ANKRD44: variants seen among roughly 807,000 people sequenced by gnomAD.
ANKRD44 encodes serine/threonine-protein phosphatase 6 regulatory ankyrin repeat subunit B.
A neutral mutation model predicts 116.0 loss-of-function variants in ANKRD44; 35 were observed. The ratio of observed to expected loss-of-function variants is 0.30; its 90% CI spans 0.23 to 0.40. ANKRD44 has a LOEUF of 0.40. Among genes scored for constraint, ANKRD44 ranks in the 10% least tolerant of loss-of-function variants. The pLI, the probability that ANKRD44 is intolerant of heterozygous loss-of-function variation, is 1.00. For synonymous variants in ANKRD44, 435 were observed against 461.8 expected (o/e 0.94, Z 0.74); for missense variants, 1,014 against 1,242.6 (o/e 0.82, Z 2.77).
intron 16 of ANKRD44, among the ~76,000 whole-genome samples, chr2:197,036,467 C>A (rs1242253920): frequency 6.6e-6 from 1 of 152,106 alleles, no homozygotes; most frequent in Non-Finnish European, 1.5e-5. Context: ...CCATGTTGGC[C>A]AGGCTGGTCT....
exon 22 of ANKRD44, chr2:196,967,238 A>C: frequency 4.0e-6 from 1 of 250,716 alleles, no homozygotes; most frequent in Non-Finnish European, 8.7e-6. Flanking sequence ...TCTTGTTCCC[A>C]GTTGGAAAAT....
intron 8 of ANKRD44, among the ~76,000 whole-genome samples, chr2:197,114,996 C>T (rs2078674938): frequency 6.6e-6 from 1 of 152,206 alleles, no homozygotes; most frequent in Non-Finnish European, 1.5e-5. Context: ...CCTACTCTTG[C>T]CCATTCCAGT....
At chr2:197,302,916 C>T (rs1396057710) in intron 1 of ANKRD44, among the ~76,000 whole-genome samples, 1 of 152,196 alleles carries the variant, frequency 6.6e-6, no homozygotes, top group Non-Finnish European at 1.5e-5. Flanking sequence ...TTTGCTAAAG[C>T]AACACCTCTG....
chr2:197,216,571 G>A (rs752111106), intron 1 of ANKRD44, among the ~76,000 whole-genome samples: 5 of 152,154 alleles, frequency 3.3e-5, no homozygotes, highest in Admixed American at 6.5e-5. Context: ...GCTGACCAGA[G>A]TGCTTTTTCA....
intron 9 of ANKRD44, among the ~76,000 whole-genome samples, chr2:197,101,716 GCAAT>G (rs2078298017): frequency 6.6e-6 from 1 of 152,184 alleles, no homozygotes; most frequent in Non-Finnish European, 1.5e-5. Context: ...GGTGATACAG[GCAAT>G]CAGAGTGTAC....
chr2:197,020,017 T>C (rs2076467105), intron 17 of ANKRD44, among the ~76,000 whole-genome samples: 1 of 152,160 alleles, frequency 6.6e-6, no homozygotes, highest in African/African-American at 2.4e-5. Context: ...GGTTTCACCA[T>C]GTTGGCCAGG....
At chr2:197,220,190 T>A (rs543515517) in intron 1 of ANKRD44, among the ~76,000 whole-genome samples, 8 of 152,330 alleles carry the variant, frequency 5.3e-5, no homozygotes, top group African/African-American at 1.7e-4. Flanking sequence ...CTTAATTCCC[T>A]CACAGCTTTT....
In ANKRD44 at chr2:197,067,941, G is replaced by A. The variant is rs891137154; in HGVS notation, c.1650+10762C>T. On this transcript the variant is annotated intron_variant, in intron 16 of 27. Transcript: ENST00000282272. ...GTTTATTGTGGCACTATTCACAACA[G>A]CAAAGACTTGGAACCAACCCAAATG... Among the ~76,000 whole-genome samples the A allele has an allele frequency of 4.7e-3, 707 of 151,672 alleles. 2 individuals are homozygous for A. The highest frequency in any genetic ancestry group is 0.014 in the Middle Eastern group (4 of 294).
intron 1 of ANKRD44, among the ~76,000 whole-genome samples, chr2:197,224,520 C>A (rs1419286967): frequency 1.3e-5 from 2 of 152,106 alleles, no homozygotes; most frequent in Non-Finnish European, 2.9e-5. Context: ...AGCAATCTCT[C>A]CATTAAAAGC....
chr2:197,273,070 A>G (rs2082944884), intron 1 of ANKRD44, among the ~76,000 whole-genome samples: 1 of 152,240 alleles, frequency 6.6e-6, no homozygotes, highest in Admixed American at 6.5e-5. Flanking sequence ...AAGCCAATAC[A>G]AACTTTTTTT....
intron 1 of ANKRD44, 43 bp downstream of exon 1, chr2:197,310,535 C>T (rs1030762579): frequency 9.4e-7 from 1 of 1,065,584 alleles, no homozygotes; most frequent in Non-Finnish European, 1.1e-6. Flanking sequence ...TCCGCGCCGC[C>T]CCGCGCCCGC....
chr2:197,247,573 C>T (rs1056490586), intron 1 of ANKRD44, among the ~76,000 whole-genome samples: 3 of 152,182 alleles, frequency 2.0e-5, no homozygotes, highest in East Asian at 1.9e-4. Context: ...TAATTTGTAT[C>T]GTGCATGAGA....
intron 2 of ANKRD44, among the ~76,000 whole-genome samples, chr2:197,151,144 G>A (rs1322265275): frequency 7.0e-6 from 1 of 143,698 alleles, no homozygotes; most frequent in Non-Finnish European, 1.5e-5. Context: ...AAAAAAATGG[G>A]TTTTAGACCA....
intron 9 of ANKRD44, among the ~76,000 whole-genome samples, chr2:197,105,288 A>T (rs1270910109): frequency 6.6e-6 from 1 of 151,882 alleles, no homozygotes; most frequent in East Asian, 1.9e-4. Context: ...TAATTTTTGT[A>T]TTTTTAGTGG....
chr2:197,010,306 C>T (rs11694050), intron 18 of ANKRD44, among the ~76,000 whole-genome samples: 2 of 151,936 alleles, frequency 1.3e-5, no homozygotes, highest in African/African-American at 2.4e-5. Flanking sequence ...CCACGGTCAC[C>T]GAGCCACAGG....
rs1330815409 is a variant in ANKRD44, at chr2:196,987,826, TCA to T, written c.*1763_*1764del. ...AATAAAAGCACTAAGCAACTAAGAC[TCA>T]GTTAAAAACACATTTTTTTTTCTTA... On this transcript the variant is annotated 3_prime_UTR_variant, in exon 28 of 28. Coordinates refer to ENST00000282272, the MANE Select transcript of ANKRD44 (RefSeq NM_001195144.2). 2 of 983,406 alleles carry T rather than the reference TCA, an allele frequency of 2.0e-6. No homozygotes were observed. Among genetic ancestry groups the T allele is most frequent in the Admixed American group, 1.2e-4 (2 of 16,084 alleles). 60.9% of individuals were successfully genotyped at this position (983,406 alleles called of 1,614,324 possible). A position where few individuals can be genotyped will look rare whatever the true frequency, so the allele number is the denominator to read the frequency against.
intron 21 of ANKRD44, among the ~76,000 whole-genome samples, chr2:196,971,035 C>A (rs980644488): frequency 6.6e-6 from 1 of 152,128 alleles, no homozygotes; most frequent in Non-Finnish European, 1.5e-5. Context: ...TATCTTATAG[C>A]CCTTGTCCAT....
chr2:197,210,422 T>A (rs62279235), intron 1 of ANKRD44, among the ~76,000 whole-genome samples: 40,005 of 152,096 alleles, frequency 0.26, 5,652 homozygotes, highest in African/African-American at 0.35. Context: ...ACTGATGTTA[T>A]AAAGCTAGTG....
At chr2:197,172,641 C>CACAA (rs1345008007) in intron 2 of ANKRD44, among the ~76,000 whole-genome samples, 1 of 152,048 alleles carries the variant, frequency 6.6e-6, no homozygotes, top group Non-Finnish European at 1.5e-5. Context: ...GGGGTGCAGT[C>CACAA]ACAACCTCCA....
Sources: gnomAD v4.1 joint callset for allele counts (sites outside exome capture counted in the v4.1 genomes callset) on GRCh38, gnomAD v4.1.1 for gene constraint, MANE v1.5 for transcripts, NCBI Gene and HGNC (gene_info 2026-07-23, HGNC 2026-07-21) for gene names.